ARHGAP4: variants seen among roughly 807,000 people sequenced by gnomAD.
ARHGAP4 encodes Rho GTPase activating protein 4.
A neutral mutation model predicts 67.6 loss-of-function variants in ARHGAP4; 25 were observed. The observed-to-expected ratio is 0.37, with a 90% CI of 0.27 to 0.52. The LOEUF is 0.52. Among genes scored for constraint, ARHGAP4 ranks in the 20% least tolerant of loss-of-function variants. ARHGAP4 has a pLI of 0.92. For synonymous variants in ARHGAP4, 448 were observed against 373.7 expected (o/e 1.20, Z -2.29); for missense variants, 804 against 854.6 (o/e 0.94, Z 0.74).
intron 21 of ARHGAP4, among the ~76,000 whole-genome samples, chrX:153,908,751 G>A (rs782418340): frequency 8.9e-6 from 1 of 112,129 alleles, no homozygotes; most frequent in South Asian, 3.7e-4. Context: ...GCCTCTACCA[G>A]GTAAACAGCC....
In ARHGAP4 at chrX:153,910,759, C is replaced by T. The variant is rs1471929016; in HGVS notation, c.1757G>A (p.Arg586Gln). The T allele has an allele frequency of 5.0e-6, 6 of 1,190,978 alleles. No individual in the cohort carries two copies. The highest frequency in any genetic ancestry group is 1.8e-5 in the African/African-American group (1 of 56,846). ...SVAGVLKLYF[R>Q]SLEPPLFPPD... Reference sequence around the variant, plus strand: ...GGGGAAGAGTGGGGGCTCCAGGCTCCGGAAGTAGAGCTTCAGCACCCCGGC... The same window carrying T: ...GGGGAAGAGTGGGGGCTCCAGGCTCTGGAAGTAGAGCTTCAGCACCCCGGC... The change falls in exon 15 of 22, where the codon CGG becomes CAG. Residue 586 changes from arginine (R) to glutamine (Q), a missense_variant. Physicochemically the swap from Arg to Gln is conservative, Grantham distance 43 (BLOSUM62 1). This residue lies in a region of ARHGAP4 where 400 missense variants were observed against 348.7 expected (regional missense o/e 1.15). Transcript: ENST00000350060.
At position 153,909,138 on chromosome X, in the gene ARHGAP4, C is replaced by G. The variant is rs1158756454; in HGVS notation, c.2539G>C (p.Gly847Arg). The change falls in exon 21 of 22, where the codon GGA becomes CGA. Residue 847 changes from glycine (G) to arginine (R), a missense_variant. Physicochemically the swap from Gly to Arg is moderately radical, Grantham distance 125. Coordinates refer to ENST00000350060, the MANE Select transcript of ARHGAP4 (RefSeq NM_001666.5). ...CAGCGTCGTCTGTGTCCAGAGGGTC[C>G]CATGGCCTCAGGTGAGGTGCATGGC... ...PEPCTSPEAM[G>R]PSGHRRRCLV... 5.0e-6 allele frequency: 6 copies of G among 1,209,541 alleles called. No individual in the cohort carries two copies. Among genetic ancestry groups the G allele is most frequent in the Non-Finnish European group, 6.7e-6 (6 of 894,989 alleles).
chrX:153,919,637 C>T lies in ARHGAP4; in HGVS notation c.682-354G>A, dbSNP rs782353175. Reference sequence around the variant, plus strand: ...CACGAGAAACCCAGCTTGGAGCCAGCACACAGGTGCACAGCTGGAAGCGGC... The same window carrying T: ...CACGAGAAACCCAGCTTGGAGCCAGTACACAGGTGCACAGCTGGAAGCGGC... On this transcript the variant is annotated intron_variant, in intron 5 of 21. Coordinates refer to ENST00000350060, the MANE Select transcript of ARHGAP4 (RefSeq NM_001666.5). The T allele has an allele frequency of 1.7e-6, 2 of 1,165,395 alleles. No homozygotes were observed. Among genetic ancestry groups the T allele is most frequent in the African/African-American group, 1.8e-5 (1 of 55,818 alleles).
intron 10 of ARHGAP4, 23 bp downstream of exon 10, chrX:153,913,195 G>A (rs2065033147): frequency 2.9e-5 from 34 of 1,166,040 alleles, no homozygotes; most frequent in East Asian, 1.3e-4. Flanking sequence ...GAGAGGCGGG[G>A]AAGGGGGCAG....
chrX:153,908,974 C>A (rs782796657), intron 21 of ARHGAP4, 96 bp downstream of exon 21: 1 of 940,689 alleles, frequency 1.1e-6, no homozygotes, highest in Non-Finnish European at 1.5e-6. Flanking sequence ...GGGAGGGCAA[C>A]GACTGGAACC....
intron 12 of ARHGAP4, 63 bp from the exon 13 acceptor site, chrX:153,911,252 CTT>C (rs10710691): frequency 0.095 from 35,523 of 372,203 alleles, 2 homozygotes; most frequent in East Asian, 0.14. Context: ...CATTCAATTG[CTT>C]TTTTTTTTTT....
rs782033230 is a variant in ARHGAP4 at position 153,910,434 on chromosome X, A to C, written c.1923-30T>G. On this transcript the variant is annotated intron_variant, in intron 16 of 21. Transcript: ENST00000350060. ...GGGGACACGCACATCACAAGCAGAG[A>C]GCCCGCACCCCGAGTCCCCCTGTCC... 6.8e-6 allele frequency: 8 copies of C among 1,182,095 alleles called. No individual in the cohort carries two copies. In the Admixed American group the frequency reaches 1.8e-4, roughly 27 times the overall value.
Position 153,910,344 on chromosome X carries a change from C to T in ARHGAP4, c.1983G>A (p.Gly661=). 4 of 1,207,621 alleles carry T rather than the reference C, an allele frequency of 3.3e-6. No individual in the cohort carries two copies. Among genetic ancestry groups the T allele is most frequent in the Non-Finnish European group, 2.2e-6 (2 of 893,525 alleles). ...MDPYNLAVCF[G]PTLLPVPAGQ... The stretch of plus-strand genomic sequence containing the variant: ...CAGCGGGCACCGGTAGCAGCGTGGG[C>T]CCGAAGCACACGGCCAGGTTGTAGG... The change falls in exon 17 of 22, where the codon GGG becomes GGA. Residue 661 remains glycine (G), a synonymous_variant. Coordinates refer to ENST00000350060, the MANE Select transcript of ARHGAP4 (RefSeq NM_001666.5).
chrX:153,918,052 A>G (rs1260199839), intron 7 of ARHGAP4, among the ~76,000 whole-genome samples: 1 of 112,741 alleles, frequency 8.9e-6, no homozygotes, highest in African/African-American at 3.2e-5. Flanking sequence ...CTGAGGCAAG[A>G]GAGTTATAAA....
chrX:153,910,489 C>T lies in ARHGAP4; in HGVS notation c.1922+17G>A, dbSNP rs782532836. The T allele has an allele frequency of 8.7e-6, 10 of 1,149,872 alleles. No individual in the cohort carries two copies. In the African/African-American group the frequency reaches 1.1e-4, roughly 13 times the overall value. The allele number at this position is 1,149,872 out of a possible 1,213,427, so 94.8% of individuals were successfully genotyped here. ...GACCCCTGGCCCCCACCCCAGCACT[C>T]GCCCCGCAGCACTCACTGGTTGAGG... On this transcript the variant is annotated intron_variant, in intron 16 of 21. Transcript: ENST00000350060.
rs2065018364 is a variant in ARHGAP4 at position 153,911,179 on chromosome X, T to G, written c.1553A>C (p.Gln518Pro). The G allele has an allele frequency of 8.6e-7, 1 of 1,166,014 alleles. No individual in the cohort carries two copies. Among genetic ancestry groups the G allele is most frequent in the East Asian group, 3.2e-5 (1 of 31,139 alleles). The change falls in exon 13 of 22, where the codon CAG becomes CCG. Residue 518 changes from glutamine (Q) to proline (P), a missense_variant. Physicochemically the swap from Gln to Pro is moderately conservative, Grantham distance 76. Around this residue, in one of 2 missense-constraint regions of ARHGAP4, gnomAD observed 404 missense variants for 505.9 expected, o/e 0.80. Coordinates refer to ENST00000350060, the MANE Select transcript of ARHGAP4 (RefSeq NM_001666.5). ...DMEKFIQSSGQPVPLVVESCI... is the reference protein window; with the variant it reads ...DMEKFIQSSGPPVPLVVESCI... ...GCTCTCCACCACCAGGGGCACAGGC[T>G]GGCCTGAGCTCTGGGGACAGAGGGT...
Position 153,910,988 on chromosome X carries a change from C to T in ARHGAP4, c.1615G>A (p.Glu539Lys), listed in dbSNP as rs1557103145. The stretch of plus-strand genomic sequence containing the variant: ...GCACCCGATACCCGGAAGATGCCTT[C>T]ATGCTGCAGGCCTGTGGGAGGACAA... ...RFINLNGLQH[E>K]GIFRVSGAQL... is the part of the protein sequence containing the mutation. The change falls in exon 14 of 22, where the codon GAA becomes AAA. Residue 539 changes from glutamate (E) to lysine (K), a missense_variant. Glu to Lys is a moderately conservative substitution (Grantham distance 56, BLOSUM62 1). Coordinates refer to ENST00000350060, the MANE Select transcript of ARHGAP4 (RefSeq NM_001666.5). 8.6e-7 allele frequency: 1 copy of T among 1,158,798 alleles called. No homozygotes were observed. Among genetic ancestry groups the T allele is most frequent in the Non-Finnish European group, 1.2e-6 (1 of 868,351 alleles).
rs782600026 is a variant in ARHGAP4, at chrX:153,920,651, T to C, written c.656A>G (p.Lys219Arg). 4 of 1,208,045 alleles carry C rather than the reference T, an allele frequency of 3.3e-6. No individual in the cohort carries two copies. The Admixed American group carries it at 8.7e-5, about 26-fold the overall frequency. Residue 219 changes from lysine to arginine, a missense_variant, in exon 5 of 22, where the codon AAG (lysine) becomes AGG (arginine). Coordinates refer to ENST00000350060, the MANE Select transcript of ARHGAP4 (RefSeq NM_001666.5). ...CTTCTCCACCAGCCTCCCTCCCTTCTTGAGGGAGCTCTTGCGGAGGGGCCC... is the reference window on the plus strand; with the variant it reads ...CTTCTCCACCAGCCTCCCTCCCTTCCTGAGGGAGCTCTTGCGGAGGGGCCC... ...EAGPLRKSSLKKGGRLVEKRQ... is the reference protein window; with the variant it reads ...EAGPLRKSSLRKGGRLVEKRQ...
Position 153,909,431 on chromosome X carries a change from C to T in ARHGAP4, c.2507+12G>A. 1 of 1,184,743 alleles carries T rather than the reference C, an allele frequency of 8.4e-7. No individual in the cohort carries two copies. Among genetic ancestry groups the T allele is most frequent in the Non-Finnish European group, 1.1e-6 (1 of 881,299 alleles). On this transcript the variant is annotated intron_variant, in intron 20 of 21. Transcript: ENST00000350060. Reference sequence around the variant, plus strand: ...ACACGTGTGGCCCCCTGAGCCCCGTCTTCTTGCTCACCGGTGGACCAGCTC... The same window carrying T: ...ACACGTGTGGCCCCCTGAGCCCCGTTTTCTTGCTCACCGGTGGACCAGCTC...
chrX:153,926,009 C>T, intron 1 of ARHGAP4, 127 bp downstream of exon 1: 5 of 976,343 alleles, frequency 5.1e-6, no homozygotes, highest in African/African-American at 2.0e-5. Context: ...GCTCCCTCCT[C>T]CACCCCCGCT....
At chrX:153,923,539 T>G (rs1455777773) in intron 1 of ARHGAP4, among the ~76,000 whole-genome samples, 1 of 111,703 alleles carries the variant, frequency 9.0e-6, no homozygotes, top group African/African-American at 3.3e-5. Flanking sequence ...CCCTTCCAAT[T>G]GAATTACTGA....
At chrX:153,919,896 C>G (rs1419300694) in intron 5 of ARHGAP4, among the ~76,000 whole-genome samples, 1 of 110,473 alleles carries the variant, frequency 9.1e-6, no homozygotes, top group East Asian at 2.8e-4. Context: ...AAGTGATTCT[C>G]CCGCCTCAGC....
intron 20 of ARHGAP4, 111 bp from the exon 21 acceptor site, chrX:153,909,280 G>T: frequency 4.5e-6 from 4 of 881,120 alleles, no homozygotes; most frequent in Non-Finnish European, 6.3e-6. Flanking sequence ...TGGCCCAGTG[G>T]TCCCCAAGCT....
At chrX:153,919,590 T>G in intron 5 of ARHGAP4, 1 of 1,164,316 alleles carries the variant, frequency 8.6e-7, no homozygotes, top group Non-Finnish European at 1.1e-6. Context: ...GGTGCGCACA[T>G]GGCACCCCAC....
Sources: allele counts gnomAD v4.1 joint callset (sites outside exome capture counted in the v4.1 genomes callset), GRCh38; gene constraint gnomAD v4.1.1; regional missense constraint gnomAD v4.1.1; transcripts MANE v1.5; gene names NCBI Gene and HGNC (gene_info 2026-07-23, HGNC 2026-07-21).